Variants in DOCK8 observed in about 807,000 individuals in gnomAD.
The protein encoded by DOCK8 is dedicator of cytokinesis 8, also known as dedicator of cytokinesis protein 8.
Under a neutral mutation model 245.6 loss-of-function variants are expected in DOCK8, and 141 were observed. That is an observed-to-expected ratio of 0.57 (90% CI 0.50 to 0.66). The LOEUF (loss-of-function observed/expected upper bound fraction) is 0.66, where lower values mean the gene tolerates loss of function less well. Ranked by LOEUF, DOCK8 falls within the 30% of genes least tolerant of loss-of-function variation. DOCK8 has a pLI of 0.00. For missense variants in DOCK8, 2,965 were observed against 2,603.4 expected (o/e 1.14, Z -3.02); for synonymous variants, 1,168 against 970.2 (o/e 1.20, Z -3.79).
intron 26 of DOCK8, among the ~76,000 whole-genome samples, chr9:400,602 TCACCACCACCACCTCCAC>T (rs2054903286): frequency 1.7e-4 from 1 of 5,816 alleles, no homozygotes. Flanking sequence ...ACCTCCACCA[TCACCACCACCACCTCCAC>T]CACCATCACC....
At chr9:345,038 CA>C (rs1252647596) in intron 14 of DOCK8, among the ~76,000 whole-genome samples, 1 of 151,624 alleles carries the variant, frequency 6.6e-6, no homozygotes, top group Non-Finnish European at 1.5e-5. Context: ...GGCAACAGAG[CA>C]AAAAAACTCT....
chr9:362,367 CA>C (rs1478188093), intron 14 of DOCK8, among the ~76,000 whole-genome samples: 2 of 152,148 alleles, frequency 1.3e-5, no homozygotes, highest in Non-Finnish European at 2.9e-5. Flanking sequence ...AAATAATGGC[CA>C]ACTCAAATGA....
At chr9:235,190 C>T (rs891040960) in intron 1 of DOCK8, among the ~76,000 whole-genome samples, 1 of 152,196 alleles carries the variant, frequency 6.6e-6, no homozygotes, top group Non-Finnish European at 1.5e-5. Flanking sequence ...TGGGTATCAG[C>T]AGCGGTGGCT....
intron 15 of DOCK8, 164 bp from the exon 16 acceptor site, chr9:370,066 G>A (rs999640229): frequency 2.9e-6 from 2 of 679,460 alleles, no homozygotes; most frequent in African/African-American, 3.5e-5. Flanking sequence ...ACCTCCCAGA[G>A]TGCTGAGATT....
chr9:362,717 T>G (rs1443137472), intron 14 of DOCK8, among the ~76,000 whole-genome samples: 1 of 152,252 alleles, frequency 6.6e-6, no homozygotes, highest in Non-Finnish European at 1.5e-5. Context: ...CCTTGCTCCT[T>G]GAGCTCAGCT....
chr9:441,751 C>G (rs1320247254), intron 41 of DOCK8, 124 bp from the exon 42 acceptor site: 1 of 1,257,538 alleles, frequency 8.0e-7, no homozygotes, highest in African/African-American at 1.5e-5. Context: ...GGAGTAATTT[C>G]TGTTTACATC....
chr9:312,473 C>G (rs1008989164), intron 6 of DOCK8: 1 of 510,850 alleles, frequency 2.0e-6, no homozygotes, highest in South Asian at 1.6e-5. Context: ...AGTAATCACA[C>G]CCAGCAAGTC....
chr9:217,497 G>A (rs906076440), intron 1 of DOCK8, among the ~76,000 whole-genome samples: 1 of 152,172 alleles, frequency 6.6e-6, no homozygotes, highest in African/African-American at 2.4e-5. Context: ...GCCCCCTCAA[G>A]TTTAATAAAG....
chr9:422,653 T>A (rs991074673), intron 33 of DOCK8, among the ~76,000 whole-genome samples: 3 of 152,190 alleles, frequency 2.0e-5, no homozygotes, highest in African/African-American at 7.2e-5. Context: ...CATGGGGAAA[T>A]GCTTATGACA....
At chr9:343,429 A>G (rs1390242005) in intron 14 of DOCK8, among the ~76,000 whole-genome samples, 1 of 152,020 alleles carries the variant, frequency 6.6e-6, no homozygotes, top group Admixed American at 6.6e-5. Flanking sequence ...CAGAAATTCG[A>G]GGTTAGCCTT....
intron 19 of DOCK8, 87 bp downstream of exon 19, chr9:376,392 C>T (rs555339308): frequency 1.0e-6 from 1 of 961,260 alleles, no homozygotes; most frequent in East Asian, 2.4e-5. Context: ...AGTGAAAATC[C>T]TTGTCTACAG....
chr9:387,197 A>C (rs907341646), intron 23 of DOCK8, among the ~76,000 whole-genome samples: 4 of 152,208 alleles, frequency 2.6e-5, no homozygotes, highest in Non-Finnish European at 5.9e-5. Context: ...TATTCCCAGC[A>C]CTTTCGGAGG....
chr9:417,060 C>T (rs2056053208), intron 29 of DOCK8, among the ~76,000 whole-genome samples: 1 of 152,124 alleles, frequency 6.6e-6, no homozygotes, highest in Admixed American at 6.5e-5. Flanking sequence ...TTTGGGAGGC[C>T]AAGGTGGACA....
Position 452,007 on chromosome 9 carries a change from C to T in DOCK8, c.5962-4C>T, listed in dbSNP as rs2057482365. The T allele has an allele frequency of 8.1e-6, 11 of 1,360,778 alleles. No homozygotes were observed. The highest frequency in any genetic ancestry group is 1.1e-5 in the Non-Finnish European group (11 of 992,114). 84.3% of individuals were successfully genotyped at this position (1,360,778 alleles called of 1,614,324 possible). On this transcript the variant is annotated splice_region_variant and splice_polypyrimidine_tract_variant and intron_variant, in intron 45 of 47. Coordinates refer to ENST00000432829, the MANE Select transcript of DOCK8 (RefSeq NM_203447.4). ...TTTTTTTTTTTTTTTTTTTTTCCCA[C>T]CAGGGACCACTGGAAGTAGCCCAAG...
chr9:245,419 G>T (rs2047484547), intron 1 of DOCK8, among the ~76,000 whole-genome samples: 1 of 151,998 alleles, frequency 6.6e-6, no homozygotes, highest in Non-Finnish European at 1.5e-5. Context: ...TGTTGGCCAG[G>T]CTGGTCTCGA....
In DOCK8 at chr9:415,692, G is replaced by GCACACACGCACACACACA. The variant is rs1554699022; in HGVS notation, c.3700+748_3700+749insGCACACACACACACACAC. 2.5e-3 allele frequency among the ~76,000 whole-genome samples: 374 copies of GCACACACGCACACACACA among 151,086 alleles called. 4 individuals are homozygous for GCACACACGCACACACACA. The highest frequency in any genetic ancestry group is 8.8e-3 in the African/African-American group (362 of 41,198). Reference sequence around the variant, plus strand: ...TGTGTGTGCACGTGTGTGCGCGCGTGCACACACACACACACACAATTCCTA... The same window carrying GCACACACGCACACACACA: ...TGTGTGTGCACGTGTGTGCGCGCGTGCACACACGCACACACACACACACACACACACACACAATTCCTA... On this transcript the variant is annotated intron_variant, in intron 29 of 47. Transcript: ENST00000432829.
chr9:302,850 T>G (rs2049617531), intron 4 of DOCK8, among the ~76,000 whole-genome samples: 1 of 151,958 alleles, frequency 6.6e-6, no homozygotes, highest in South Asian at 2.1e-4. Flanking sequence ...TAAAATAGAC[T>G]GGGCATGTGG....
chr9:229,457 TC>T (rs1212401923), intron 1 of DOCK8, among the ~76,000 whole-genome samples: 1 of 152,132 alleles, frequency 6.6e-6, no homozygotes, highest in African/African-American at 2.4e-5. Flanking sequence ...TGCTCTTAAA[TC>T]CCATAATTAC....
chr9:288,460 C>T (rs1030803372), intron 3 of DOCK8, among the ~76,000 whole-genome samples: 3 of 152,202 alleles, frequency 2.0e-5, no homozygotes, highest in Non-Finnish European at 2.9e-5. Flanking sequence ...GTAATGCCTG[C>T]CCTATGGTGC....
Sources: gnomAD v4.1 joint callset for allele counts (sites outside exome capture counted in the v4.1 genomes callset) on GRCh38, gnomAD v4.1.1 for gene constraint, MANE v1.5 for transcripts, NCBI Gene and HGNC (gene_info 2026-07-23, HGNC 2026-07-21) for gene names.